The following CSMD1 variants were observed in gnomAD, a reference collection of about 807,000 sequenced individuals.
CSMD1 encodes the protein CUB and Sushi multiple domains 1.
Under a neutral mutation model 417.5 loss-of-function variants are expected in CSMD1, and 213 were observed. The ratio of observed to expected loss-of-function variants is 0.51; its 90% CI spans 0.46 to 0.57. CSMD1 has a LOEUF of 0.57. CSMD1 is among the 20% of genes least tolerant of loss of function. CSMD1 has a pLI of 0.00. For missense variants in CSMD1, 6,923 were observed against 4,529.7 expected (o/e 1.53, Z -15.17); for synonymous variants, 2,862 against 1,736.8 (o/e 1.65, Z -16.11).
chr8:4,022,719 G>C (rs1346170379), intron 4 of CSMD1, among the ~76,000 whole-genome samples: 8 of 152,196 alleles, frequency 5.3e-5, no homozygotes, highest in Non-Finnish European at 7.3e-5. Context: ...CTGTGGTGAA[G>C]TGACAACTCA....
At chr8:4,184,331 G>A (rs1056521460) in intron 3 of CSMD1, among the ~76,000 whole-genome samples, 1 of 152,128 alleles carries the variant, frequency 6.6e-6, no homozygotes, top group Non-Finnish European at 1.5e-5. Context: ...ATGAGTTTTA[G>A]ACAAGTCATT....
intron 1 of CSMD1, among the ~76,000 whole-genome samples, chr8:4,704,645 C>A (rs1419941695): frequency 6.6e-6 from 1 of 152,130 alleles, no homozygotes; most frequent in Non-Finnish European, 1.5e-5. Flanking sequence ...CCATTCTTAC[C>A]TTCTACTGGT....
At chr8:4,928,008 T>C (rs998365103) in intron 1 of CSMD1, among the ~76,000 whole-genome samples, 8 of 152,082 alleles carry the variant, frequency 5.3e-5, no homozygotes, top group Non-Finnish European at 8.8e-5. Flanking sequence ...ACACCCCACA[T>C]CCTCAGCGGC....
chr8:4,938,572 G>T (rs73191311), intron 1 of CSMD1, among the ~76,000 whole-genome samples: 5 of 152,040 alleles, frequency 3.3e-5, no homozygotes, highest in Non-Finnish European at 5.9e-5. Flanking sequence ...TCACACAGTT[G>T]TCAGTCTTAT....
At chr8:4,791,546 T>C (rs761671672) in intron 1 of CSMD1, among the ~76,000 whole-genome samples, 1 of 152,042 alleles carries the variant, frequency 6.6e-6, no homozygotes, top group African/African-American at 2.4e-5. Context: ...ACTGGAAAAA[T>C]GTTTTGTCTC....
intron 7 of CSMD1, among the ~76,000 whole-genome samples, 160 bp from the exon 8 acceptor site, chr8:3,616,957 A>C (rs1317619592): frequency 6.8e-6 from 1 of 148,020 alleles, no homozygotes; most frequent in African/African-American, 2.5e-5. Context: ...ATAAGTGTTT[A>C]TATTCTGATT....
chr8:4,193,402 T>C (rs1799148137), intron 3 of CSMD1, among the ~76,000 whole-genome samples: 1 of 152,186 alleles, frequency 6.6e-6, no homozygotes, highest in Non-Finnish European at 1.5e-5. Flanking sequence ...ATTCCTGGGC[T>C]TCCAAGTCTG....
At chr8:3,841,956 C>T (rs1034760246) in intron 5 of CSMD1, among the ~76,000 whole-genome samples, 2 of 152,162 alleles carry the variant, frequency 1.3e-5, no homozygotes, top group Non-Finnish European at 2.9e-5. Context: ...AGGAAAGTTA[C>T]TGCTTCCAAA....
At chr8:2,985,238 G>A (rs1805783816) in intron 54 of CSMD1, among the ~76,000 whole-genome samples, 1 of 152,198 alleles carries the variant, frequency 6.6e-6, no homozygotes, top group African/African-American at 2.4e-5. Context: ...AAAGAATCCT[G>A]TGGCCCCATC....
chr8:4,037,755 C>G (rs573699362), intron 3 of CSMD1, among the ~76,000 whole-genome samples: 40 of 152,160 alleles, frequency 2.6e-4, no homozygotes, highest in African/African-American at 6.0e-4. Flanking sequence ...GATTTTACTG[C>G]AAACAGCCGT....
chr8:4,706,097 T>A (rs1466453301), intron 1 of CSMD1, among the ~76,000 whole-genome samples: 3 of 150,484 alleles, frequency 2.0e-5, no homozygotes, highest in African/African-American at 7.3e-5. Context: ...ATATAATATA[T>A]AAAAACTATA....
chr8:3,323,449 CCT>C (rs143993100), intron 23 of CSMD1, among the ~76,000 whole-genome samples: 6,971 of 150,876 alleles, frequency 0.046, 347 homozygotes, highest in East Asian at 0.21. Flanking sequence ...ATTCTGAACC[CCT>C]CTCTCTCTCT....
At chr8:3,635,361 C>A (rs996657397) in intron 7 of CSMD1, among the ~76,000 whole-genome samples, 2 of 152,036 alleles carry the variant, frequency 1.3e-5, no homozygotes, top group Non-Finnish European at 2.9e-5. Context: ...GTAATCCCAG[C>A]TACTCGGGAG....
chr8:3,057,327 C>T (rs1306520333), intron 49 of CSMD1, among the ~76,000 whole-genome samples: 1 of 152,046 alleles, frequency 6.6e-6, no homozygotes, highest in Non-Finnish European at 1.5e-5. Context: ...GCACGCAAAA[C>T]ATTATGTTTG....
intron 5 of CSMD1, among the ~76,000 whole-genome samples, chr8:3,928,970 A>C (rs890012102): frequency 6.6e-6 from 1 of 150,574 alleles, no homozygotes; most frequent in South Asian, 2.1e-4. Flanking sequence ...TTGTGTGCTA[A>C]AACAATTGGT....
intron 7 of CSMD1, among the ~76,000 whole-genome samples, chr8:3,707,563 T>G (rs950544299): frequency 3.3e-5 from 5 of 152,160 alleles, no homozygotes; most frequent in African/African-American, 4.8e-5. Flanking sequence ...ACGGTACTCA[T>G]CTCTCGTTTG....
At chr8:4,396,649 C>T (rs1488647278) in intron 3 of CSMD1, among the ~76,000 whole-genome samples, 1 of 150,884 alleles carries the variant, frequency 6.6e-6, no homozygotes, top group African/African-American at 2.4e-5. Context: ...ACATAAATAT[C>T]TATATATCTC....
intron 2 of CSMD1, among the ~76,000 whole-genome samples, chr8:4,479,354 A>T (rs1326995246): frequency 6.6e-6 from 1 of 152,196 alleles, no homozygotes; most frequent in Non-Finnish European, 1.5e-5. Context: ...GCACTTTACC[A>T]CATATGTCCG....
chr8:4,634,930 C>A (rs1802734737), intron 2 of CSMD1, among the ~76,000 whole-genome samples: 1 of 152,138 alleles, frequency 6.6e-6, no homozygotes, highest in South Asian at 2.1e-4. Context: ...TTACAGTACT[C>A]TAAACGGTTC....
Sources: allele counts gnomAD v4.1 joint callset (sites outside exome capture counted in the v4.1 genomes callset), GRCh38; gene constraint gnomAD v4.1.1; transcripts MANE v1.5; gene names NCBI Gene and HGNC (gene_info 2026-07-23, HGNC 2026-07-21).